The following FLRT1 variants were observed in gnomAD, a reference collection of about 807,000 sequenced individuals.
FLRT1 encodes leucine-rich repeat transmembrane protein FLRT1.
A neutral mutation model predicts 30.9 loss-of-function variants in FLRT1; 14 were observed. The observed-to-expected ratio is 0.45, with a 90% CI of 0.30 to 0.71. The LOEUF is 0.71. Ranked by LOEUF, FLRT1 falls within the 30% of genes least tolerant of loss-of-function variation. The probability of loss-of-function intolerance (pLI) is 0.08; values close to 1 mark genes in which losing one functional copy is unlikely to be tolerated. For synonymous variants in FLRT1, 368 were observed against 430.4 expected (o/e 0.85, Z 1.80); for missense variants, 737 against 949.2 (o/e 0.78, Z 2.94).
chr11:64,100,439 GCA>G (rs1944651515), intron 1 of FLRT1, among the ~76,000 whole-genome samples: 1 of 152,190 alleles, frequency 6.6e-6, no homozygotes, highest in Non-Finnish European at 1.5e-5. Flanking sequence ...TTGGTTTTGA[GCA>G]CAGAGACCAG....
chr11:64,068,868 C>G (rs1944054475), intron 1 of FLRT1, among the ~76,000 whole-genome samples: 1 of 152,232 alleles, frequency 6.6e-6, no homozygotes, highest in Admixed American at 6.5e-5. Context: ...TCGGCCTTCC[C>G]CGGAGGTTCA....
rs558818137 is a variant in FLRT1, at chr11:64,066,655, A to G, written c.-1038+30496A>G. ...ATGTCTTCAAAAAGAAAAAAAAAAAAAAAAGAATGTAAATAATCACGCTCC... is the reference window on the plus strand; with the variant it reads ...ATGTCTTCAAAAAGAAAAAAAAAAAGAAAAGAATGTAAATAATCACGCTCC... On this transcript the variant is annotated intron_variant, in intron 1 of 2. Coordinates refer to ENST00000682287, the MANE Select transcript of FLRT1 (RefSeq NM_013280.5). Among the ~76,000 whole-genome samples the G allele has an allele frequency of 5.9e-5, 9 of 152,168 alleles. No homozygotes were observed. In the South Asian group the frequency reaches 1.0e-3, roughly 18 times the overall value.
At chr11:64,070,228 G>A (rs758327627) in intron 1 of FLRT1, among the ~76,000 whole-genome samples, 1 of 152,122 alleles carries the variant, frequency 6.6e-6, no homozygotes, top group Non-Finnish European at 1.5e-5. Flanking sequence ...TGCACCAAGT[G>A]GGGTGTCTGA....
At chr11:64,050,417 C>T (rs1943671285) in intron 1 of FLRT1, among the ~76,000 whole-genome samples, 1 of 152,242 alleles carries the variant, frequency 6.6e-6, no homozygotes, top group South Asian at 2.1e-4. Context: ...TTGGCCAGCC[C>T]TCAGTGTGAC....
chr11:64,098,189 G>A (rs189045345), intron 1 of FLRT1, among the ~76,000 whole-genome samples: 12 of 152,228 alleles, frequency 7.9e-5, no homozygotes, highest in Admixed American at 1.3e-4. Flanking sequence ...TCCATGCCTC[G>A]GCACCCTCAC....
chr11:64,077,426 T>C (rs1410141808), intron 1 of FLRT1, among the ~76,000 whole-genome samples: 2 of 152,112 alleles, frequency 1.3e-5, no homozygotes, highest in South Asian at 2.1e-4. Flanking sequence ...CGTCCTCGGA[T>C]TTTCCCCCCA....
chr11:64,083,176 T>G (rs1051302610), intron 1 of FLRT1: 5 of 152,196 alleles, frequency 3.3e-5, no homozygotes, highest in African/African-American at 1.2e-4. Context: ...TGGCTCATGC[T>G]TGTAATCCCG....
At chr11:64,077,057 AG>A (rs1383622416) in intron 1 of FLRT1, among the ~76,000 whole-genome samples, 3 of 151,156 alleles carry the variant, frequency 2.0e-5, no homozygotes, top group Non-Finnish European at 4.4e-5. Context: ...AGGGCAGGGT[AG>A]GGGGGTCCAC....
chr11:64,067,153 G>A lies in FLRT1; in HGVS notation c.-1038+30994G>A, dbSNP rs908518384. Among the ~76,000 whole-genome samples, 1 of 152,212 alleles carries A rather than the reference G, an allele frequency of 6.6e-6. No homozygotes were observed. The highest frequency in any genetic ancestry group is 1.5e-5 in the Non-Finnish European group (1 of 68,046). On this transcript the variant is annotated intron_variant, in intron 1 of 2. Coordinates refer to ENST00000682287, the MANE Select transcript of FLRT1 (RefSeq NM_013280.5). The surrounding 1 kb of genome is among the most constrained non-coding windows in gnomAD (Gnocchi z 4.6). ...GGCCAAGTAGGCAGGGCTGGTGGGG[G>A]TGGGAGGCCGGCCATACCCACCTGT...
intron 1 of FLRT1, among the ~76,000 whole-genome samples, chr11:64,057,564 G>A (rs1943812669): frequency 6.6e-6 from 1 of 152,218 alleles, no homozygotes; most frequent in Non-Finnish European, 1.5e-5. Flanking sequence ...TGAGAGAGGG[G>A]CTGGCATCCT....
At position 64,116,230 on chromosome 11, in the gene FLRT1, C is replaced by A; in HGVS notation, c.-38C>A. Reference sequence around the variant, plus strand: ...TGTGCTCCTTGCAGGTATTCAGGCTCCAGGCCAGGTGGGGCCGGACGCCCC... The same window carrying A: ...TGTGCTCCTTGCAGGTATTCAGGCTACAGGCCAGGTGGGGCCGGACGCCCC... On this transcript the variant is annotated 5_prime_UTR_variant, in exon 3 of 3. Transcript: ENST00000682287. 1.9e-6 allele frequency: 3 copies of A among 1,569,310 alleles called. No homozygotes were observed. Among genetic ancestry groups the A allele is most frequent in the Non-Finnish European group, 2.6e-6 (3 of 1,163,068 alleles).
chr11:64,073,586 G>T (rs1944146749), intron 1 of FLRT1, among the ~76,000 whole-genome samples: 1 of 152,242 alleles, frequency 6.6e-6, no homozygotes, highest in East Asian at 1.9e-4. Context: ...GAGGCCACTG[G>T]CCTGGCCCAG....
chr11:64,053,909 C>T (rs1262406631), intron 1 of FLRT1, among the ~76,000 whole-genome samples: 1 of 152,146 alleles, frequency 6.6e-6, no homozygotes. Context: ...CGTCATCCCC[C>T]CCACCACCTC....
At chr11:64,086,860 G>A (rs1317067257) in intron 1 of FLRT1, 1 of 152,256 alleles carries the variant, frequency 6.6e-6, no homozygotes, top group East Asian at 1.9e-4. Context: ...GGCTGGGGAT[G>A]GAGCTGGGAG....
In FLRT1 at chr11:64,065,848, C is replaced by CA. The variant is rs527384249; in HGVS notation, c.-1038+29690dup. On this transcript the variant is annotated intron_variant, in intron 1 of 2. Coordinates refer to ENST00000682287, the MANE Select transcript of FLRT1 (RefSeq NM_013280.5). Reference sequence around the variant, plus strand: ...GACTCCCCCTCTCTCCATGCACAGGCAGGCAGGTGGGAGATCGCAACAACC... The same window carrying CA: ...GACTCCCCCTCTCTCCATGCACAGGCAAGGCAGGTGGGAGATCGCAACAACC... 5.9e-4 allele frequency among the ~76,000 whole-genome samples: 89 copies of CA among 151,196 alleles called. 1 individual carries two copies. Among genetic ancestry groups the CA allele is most frequent in the Non-Finnish European group, 1.2e-3 (81 of 67,866 alleles).
At chr11:64,055,500 G>A (rs946448427) in intron 1 of FLRT1, among the ~76,000 whole-genome samples, 3 of 152,186 alleles carry the variant, frequency 2.0e-5, no homozygotes, top group African/African-American at 4.8e-5. Flanking sequence ...TGGCTCCCCT[G>A]CCCCATTAGG....
At chr11:64,073,142 T>C (rs1590870189) in intron 1 of FLRT1, among the ~76,000 whole-genome samples, 1 of 152,108 alleles carries the variant, frequency 6.6e-6, no homozygotes, top group African/African-American at 2.4e-5. Context: ...CCACCGTGGG[T>C]TTCTGAGGGC....
At position 64,117,586 on chromosome 11, in the gene FLRT1, C is replaced by A. The variant is rs1008474536; in HGVS notation, c.1319C>A (p.Ala440Asp). ...ACGGGTGATGGCGCCAAGACCCTGG[C>A]CATCCACGTGAAGGCCCTGACGGCA... ...MATGDGAKTL[A>D]IHVKALTADS... is the part of the protein sequence containing the mutation. The change falls in exon 3 of 3, where the codon GCC (alanine) becomes GAC (aspartate). Residue 440 changes from alanine to aspartate, a missense_variant. Transcript: ENST00000682287. 1 of 1,611,700 alleles carries A rather than the reference C, an allele frequency of 6.2e-7. No individual in the cohort carries two copies. The highest frequency in any genetic ancestry group is 1.7e-5 in the Admixed American group (1 of 59,910).
chr11:64,074,286 T>TTCCC (rs1224178837), intron 1 of FLRT1, among the ~76,000 whole-genome samples: 2 of 152,168 alleles, frequency 1.3e-5, no homozygotes, highest in African/African-American at 2.4e-5. Flanking sequence ...TGAGGAAGGT[T>TTCCC]TCCCCACCTT....
Sources: gnomAD v4.1 joint callset for allele counts (sites outside exome capture counted in the v4.1 genomes callset) on GRCh38, gnomAD v4.1.1 for gene constraint, Gnocchi (gnomAD v3.1) non-coding constraint, MANE v1.5 for transcripts, NCBI Gene and HGNC (gene_info 2026-07-23, HGNC 2026-07-21) for gene names.